Variants in PATJ observed in about 807,000 individuals in gnomAD.
The protein encoded by PATJ is PATJ crumbs cell polarity complex component, also known as inaD-like protein.
Under a neutral mutation model 224.9 loss-of-function variants are expected in PATJ, and 190 were observed. The ratio of observed to expected loss-of-function variants is 0.84; its 90% confidence interval spans 0.75 to 0.95. PATJ has a LOEUF of 0.95. Ranked by LOEUF, PATJ falls within the 40% of genes least tolerant of loss-of-function variation. PATJ has a pLI of 0.00. For missense variants in PATJ, 2,121 were observed against 2,270.3 expected (o/e 0.93, Z 1.34); for synonymous variants, 769 against 820.3 (o/e 0.94, Z 1.07).
chr1:61,877,583 G>A (rs1042358386), intron 21 of PATJ, among the ~76,000 whole-genome samples: 4 of 151,944 alleles, frequency 2.6e-5, no homozygotes, highest in South Asian at 2.1e-4. Context: ...AAAGTGTGTG[G>A]CACTTCCCCC....
chr1:62,121,378 C>G (rs1665031209), intron 38 of PATJ, 83 bp downstream of exon 38: 1 of 819,614 alleles, frequency 1.2e-6, no homozygotes, highest in Admixed American at 2.6e-5. Context: ...AACCAGTCTT[C>G]TTTAATATAA....
intron 14 of PATJ, among the ~76,000 whole-genome samples, chr1:61,820,318 G>GT (rs1656992963): frequency 6.6e-6 from 1 of 151,886 alleles, no homozygotes; most frequent in African/African-American, 2.4e-5. Flanking sequence ...GATTACAGGC[G>GT]TGAGCCACCG....
At chr1:61,929,415 G>A (rs1675696905) in intron 27 of PATJ, among the ~76,000 whole-genome samples, 1 of 148,230 alleles carries the variant, frequency 6.7e-6, no homozygotes. Context: ...CTGCCTCATA[G>A]TATTGTTGTG....
Position 61,775,227 on chromosome 1 carries a change from G to A in PATJ, c.742G>A (p.Glu248Lys). ...GTAGGTTTGTTGGGGCCATGTTGAA[G>A]AGGTTGAGCTCATTAATGATGGCTC... is the stretch of plus-strand genomic sequence containing the variant. The part of the protein sequence containing the change: ...PETVCWGHVE[E>K]VELINDGSGL... The change falls in exon 7 of 44, where the codon GAG becomes AAG. Residue 248 changes from glutamate (E) to lysine (K), a missense_variant. By Grantham distance (56) the Glu-to-Lys change is moderately conservative. Coordinates refer to ENST00000642238, the MANE Select transcript of PATJ (RefSeq NM_001350145.3). The A allele has an allele frequency of 6.2e-7, 1 of 1,610,424 alleles. No homozygotes were observed. The highest frequency in any genetic ancestry group is 8.5e-7 in the Non-Finnish European group (1 of 1,178,820).
At chr1:61,978,670 A>G (rs778918689) in intron 27 of PATJ, among the ~76,000 whole-genome samples, 1 of 152,110 alleles carries the variant, frequency 6.6e-6, no homozygotes, top group Non-Finnish European at 1.5e-5. Flanking sequence ...CATAAGAAAA[A>G]TTAGATTGAG....
intron 28 of PATJ, among the ~76,000 whole-genome samples, chr1:62,001,968 C>T (rs1645801282): frequency 6.6e-6 from 1 of 152,120 alleles, no homozygotes; most frequent in Non-Finnish European, 1.5e-5. Flanking sequence ...TTGGGTTTTT[C>T]TCTTTCTTTA....
At chr1:61,832,667 A>G (rs1040118109) in intron 16 of PATJ, among the ~76,000 whole-genome samples, 3 of 152,322 alleles carry the variant, frequency 2.0e-5, no homozygotes, top group Admixed American at 6.5e-5. Context: ...GCTGATAACC[A>G]TGGTAAACTC....
At chr1:62,156,786 C>T (rs1222303086) in intron 43 of PATJ, among the ~76,000 whole-genome samples, 5 of 150,154 alleles carry the variant, frequency 3.3e-5, no homozygotes, top group Non-Finnish European at 5.9e-5. Flanking sequence ...CATGGTGGCA[C>T]ACATCTGTGG....
intron 24 of PATJ, among the ~76,000 whole-genome samples, chr1:61,906,885 T>A (rs960540126): frequency 1.3e-5 from 2 of 152,188 alleles, no homozygotes; most frequent in Non-Finnish European, 2.9e-5. Flanking sequence ...TTTTTATAAG[T>A]GATATGATTT....
chr1:61,796,352 A>G (rs974368204), intron 10 of PATJ, among the ~76,000 whole-genome samples: 4 of 152,234 alleles, frequency 2.6e-5, no homozygotes, highest in Admixed American at 2.0e-4. Flanking sequence ...TAGAAGACCT[A>G]TTGGAGGGAG....
At position 61,975,803 on chromosome 1, in the gene PATJ, G is replaced by A. The variant is rs187780484; in HGVS notation, c.3671-14365G>A. On this transcript the variant is annotated intron_variant, in intron 27 of 43. Coordinates refer to ENST00000642238, the MANE Select transcript of PATJ (RefSeq NM_001350145.3). ...CTCCAAGCCACATTCGGCTGCAGCT[G>A]TCTGTGGATACCATACATCAGCCCA... 4.1e-4 allele frequency among the ~76,000 whole-genome samples: 63 copies of A among 152,152 alleles called. 1 individual carries two copies. Among genetic ancestry groups the A allele is most frequent in the African/African-American group, 1.5e-3 (61 of 41,416 alleles).
chr1:61,931,316 G>A (rs1675998758), intron 27 of PATJ, among the ~76,000 whole-genome samples: 1 of 151,920 alleles, frequency 6.6e-6, no homozygotes, highest in African/African-American at 2.4e-5. Context: ...TAAACAATCA[G>A]ATAGTTTAAA....
intron 25 of PATJ, among the ~76,000 whole-genome samples, chr1:61,910,778 C>T (rs952306236): frequency 6.6e-6 from 1 of 151,720 alleles, no homozygotes. Flanking sequence ...GAACTCCAGG[C>T]TCAAGTAATC....
intron 22 of PATJ, 48 bp from the exon 23 acceptor site, chr1:61,899,535 T>A (rs750767058): frequency 7.8e-7 from 1 of 1,286,482 alleles, no homozygotes; most frequent in Non-Finnish European, 1.1e-6. Flanking sequence ...CCTTTAATAA[T>A]GAGTATGCCC....
intron 18 of PATJ, among the ~76,000 whole-genome samples, chr1:61,859,531 G>GTC (rs139509799): frequency 4.6e-4 from 69 of 150,320 alleles, no homozygotes; most frequent in Non-Finnish European, 6.1e-4. Context: ...TCTCTGAGGT[G>GTC]TCTCTCTCTC....
intron 43 of PATJ, among the ~76,000 whole-genome samples, chr1:62,157,866 C>G (rs1669409039): frequency 6.8e-6 from 1 of 146,112 alleles, no homozygotes; most frequent in Non-Finnish European, 1.5e-5. Context: ...TAATCCAAGC[C>G]AGCCTTAGGT....
rs1434172373 is a variant in PATJ at position 61,813,372 on chromosome 1, TATATATAC to T, written c.1683+4844_1683+4851del. Among the ~76,000 whole-genome samples, 53 of 44,506 alleles carry T rather than the reference TATATATAC, an allele frequency of 1.2e-3. 1 individual carries two copies. The highest frequency in any genetic ancestry group is 2.6e-3 in the African/African-American group (29 of 11,292). The allele number at this position is 44,506 out of a possible 152,430, so 29.2% of individuals were successfully genotyped here. A position where few individuals can be genotyped will look rare whatever the true frequency, so the allele number is the denominator to read the frequency against. On this transcript the variant is annotated intron_variant, in intron 14 of 43. Coordinates refer to ENST00000642238, the MANE Select transcript of PATJ (RefSeq NM_001350145.3). ...ATATATATATATATATATATATATATATATATACACACACACACACACACACATACACA... is the reference window on the plus strand; with the variant it reads ...ATATATATATATATATATATATATATACACACACACACACACACATACACA...
intron 1 of PATJ, among the ~76,000 whole-genome samples, chr1:61,762,286 C>CT (rs1209041645): frequency 6.6e-6 from 1 of 152,006 alleles, no homozygotes; most frequent in Non-Finnish European, 1.5e-5. Context: ...TGGTTTGTGC[C>CT]TTTTTTGGGT....
chr1:61,803,712 T>A lies in PATJ; in HGVS notation c.1550-1736T>A, dbSNP rs576643516. Among the ~76,000 whole-genome samples the A allele has an allele frequency of 6.6e-5, 10 of 152,316 alleles. No individual in the cohort carries two copies. In the South Asian group the frequency reaches 1.9e-3, roughly 28 times the overall value. On this transcript the variant is annotated intron_variant, in intron 12 of 43. Coordinates refer to ENST00000642238, the MANE Select transcript of PATJ (RefSeq NM_001350145.3). ...CCAGGAAGTATTAGTTTTAGAAATA[T>A]TTTATGTGTGCTTTTTGGATCAACT...
Sources: gnomAD v4.1 joint callset for allele counts (sites outside exome capture counted in the v4.1 genomes callset) on GRCh38, gnomAD v4.1.1 for gene constraint, MANE v1.5 for transcripts, NCBI Gene and HGNC (gene_info 2026-07-23, HGNC 2026-07-21) for gene names.